Variants in TSBP1 observed in about 807,000 individuals in gnomAD.
The protein encoded by TSBP1 is testis expressed basic protein 1.
Under a neutral mutation model 68.8 loss-of-function variants are expected in TSBP1, and 56 were observed. That is an observed-to-expected ratio of 0.81 (90% confidence interval 0.66 to 1.02). TSBP1 has a LOEUF of 1.02. Ranked by LOEUF, TSBP1 falls within the 50% of genes least tolerant of loss-of-function variation. The pLI is 0.00. For missense variants in TSBP1, 502 were observed against 641.2 expected (o/e 0.78, Z 2.34); for synonymous variants, 171 against 208.7 (o/e 0.82, Z 1.56).
At chr6:32,298,758 G>A (rs565571) in intron 22 of TSBP1, among the ~76,000 whole-genome samples, 49,839 of 152,038 alleles carry the variant, frequency 0.33, 9,261 homozygotes, top group Middle Eastern at 0.46. Flanking sequence ...TGCTTGAAAC[G>A]TGTCTCACTA....
chr6:32,322,880 CTCTT>C (rs1349440799), intron 18 of TSBP1, among the ~76,000 whole-genome samples: 1 of 151,312 alleles, frequency 6.6e-6, no homozygotes, highest in Non-Finnish European at 1.5e-5. Context: ...ATCTCTCTCT[CTCTT>C]TCTCTCTCCA....
rs560153987 is a variant in TSBP1 at position 32,338,426 on chromosome 6, C to A, written c.409+553G>T. Among the ~76,000 whole-genome samples the A allele has an allele frequency of 1.2e-4, 18 of 150,782 alleles. No individual in the cohort carries two copies. Among genetic ancestry groups the A allele is most frequent in the African/African-American group, 4.4e-4 (18 of 41,038 alleles). On this transcript the variant is annotated intron_variant, in intron 11 of 22. Coordinates refer to ENST00000612031, the Ensembl canonical transcript of TSBP1. The surrounding 1 kb of genome is among the most constrained non-coding windows in gnomAD (Gnocchi z 5.5). Reference sequence around the variant, plus strand: ...TTACCATTTTTTTTCCTTTTTAAATCAACTTCCTCTCACTTATTCCTTATT... The same window carrying A: ...TTACCATTTTTTTTCCTTTTTAAATAAACTTCCTCTCACTTATTCCTTATT...
Position 32,306,231 on chromosome 6 carries a change from A to G in TSBP1, c.581-3602T>C, listed in dbSNP as rs1765767458. ...CGACTAAGGGGGAATTATGTAAACA[A>G]CTAATTATGTTTTGTTAAAGATTTA... On this transcript the variant is annotated intron_variant, in intron 19 of 22. Transcript: ENST00000612031. The surrounding 1 kb of genome is among the most constrained non-coding windows in gnomAD (Gnocchi z 5.1). 6.6e-6 allele frequency among the ~76,000 whole-genome samples: 1 copy of G among 152,196 alleles called. No individual in the cohort carries two copies. Among genetic ancestry groups the G allele is most frequent in the Non-Finnish European group, 1.5e-5 (1 of 68,030 alleles).
intron 16 of TSBP1, chr6:32,324,659 T>C: frequency 1.9e-6 from 3 of 1,550,780 alleles, no homozygotes; most frequent in Non-Finnish European, 2.6e-6. Context: ...GACTTACTGA[T>C]TGTGTGAGGA....
intron 18 of TSBP1, among the ~76,000 whole-genome samples, chr6:32,318,691 C>G (rs1455794351): frequency 6.6e-6 from 1 of 152,120 alleles, no homozygotes. Context: ...ATGTCCAGAA[C>G]AGCTGAATCT....
At chr6:32,359,851 G>A (rs1772792896) in intron 6 of TSBP1, among the ~76,000 whole-genome samples, 1 of 152,018 alleles carries the variant, frequency 6.6e-6, no homozygotes, top group Admixed American at 6.6e-5. Context: ...GATCTGGGAT[G>A]TTGAATTTCT....
Position 32,335,460 on chromosome 6 carries a change from A to G in TSBP1, c.452-3T>C. 8.6e-7 allele frequency: 1 copy of G among 1,157,544 alleles called. No individual in the cohort carries two copies. Among genetic ancestry groups the G allele is most frequent in the South Asian group, 1.9e-5 (1 of 53,492 alleles). 71.7% of individuals were successfully genotyped at this position (1,157,544 alleles called of 1,614,324 possible). A position where few individuals can be genotyped will look rare whatever the true frequency, so the allele number is the denominator to read the frequency against. On this transcript the variant is annotated splice_region_variant and splice_polypyrimidine_tract_variant and intron_variant, in intron 13 of 22. Transcript: ENST00000612031. The surrounding 1 kb of genome is among the most constrained non-coding windows in gnomAD (Gnocchi z 5.5). ...ACCAATGGTTTTTTGAGAGAGCTCT[A>G]AAAAAAAAAGAGAAAAGAAATCAGT...
chr6:32,301,835 G>C (rs1765323769), intron 20 of TSBP1, among the ~76,000 whole-genome samples: 1 of 151,486 alleles, frequency 6.6e-6, no homozygotes, highest in African/African-American at 2.4e-5. Context: ...GCAAAATACA[G>C]CCCATGGAAT....
chr6:32,295,261 G>A (rs1045284883), intron 22 of TSBP1, among the ~76,000 whole-genome samples: 2 of 150,934 alleles, frequency 1.3e-5, no homozygotes, highest in Non-Finnish European at 2.9e-5. Flanking sequence ...GCTTGAACCC[G>A]GGAGGCAGGG....
rs117536558 is a variant in TSBP1, at chr6:32,338,333, C to T, written c.409+646G>A. On this transcript the variant is annotated intron_variant, in intron 11 of 22. Coordinates refer to ENST00000612031, the Ensembl canonical transcript of TSBP1. This position sits in a 1 kb window ranked among gnomAD's most constrained non-coding sequence, Gnocchi z 5.5. ...GTGACGTTGATGCAGGCCCTTGGAC[C>T]CACTTTAAGCATCAAGGCCATAAAG... Among the ~76,000 whole-genome samples the T allele has an allele frequency of 7.0e-3, 1,066 of 152,074 alleles. 19 individuals carry two copies. The highest frequency in any genetic ancestry group is 0.02 in the East Asian group (102 of 5,182).
chr6:32,324,977 C>T (rs1310190367), intron 16 of TSBP1, among the ~76,000 whole-genome samples: 2 of 151,938 alleles, frequency 1.3e-5, no homozygotes, highest in Non-Finnish European at 2.9e-5. Context: ...GACTAATTGC[C>T]TGTATAGATG....
rs1224878091 is a variant in TSBP1 at position 32,361,342 on chromosome 6, G to A, written c.217+4825C>T. 6.6e-6 allele frequency among the ~76,000 whole-genome samples: 1 copy of A among 151,834 alleles called. No homozygotes were observed. The highest frequency in any genetic ancestry group is 1.9e-4 in the East Asian group (1 of 5,166). ...GTGAATAGTGCCACAATAAACACAC[G>A]TGTGCATGTGTCTTTATAGTAGCAT... On this transcript the variant is annotated intron_variant, in intron 6 of 22. Coordinates refer to ENST00000612031, the Ensembl canonical transcript of TSBP1. This position sits in a 1 kb window ranked among gnomAD's most constrained non-coding sequence, Gnocchi z 4.3.
In TSBP1 at chr6:32,337,607, T is replaced by G. The variant is rs935532659; in HGVS notation, c.410-972A>C. On this transcript the variant is annotated intron_variant, in intron 11 of 22. Transcript: ENST00000612031. The surrounding 1 kb of genome is among the most constrained non-coding windows in gnomAD (Gnocchi z 5.5). Reference sequence around the variant, plus strand: ...AGGTATGAGTGTTGGGCAAAGGAATTGAGACACTAGACCCACATACTTGTT... The same window carrying G: ...AGGTATGAGTGTTGGGCAAAGGAATGGAGACACTAGACCCACATACTTGTT... Among the ~76,000 whole-genome samples the G allele has an allele frequency of 3.9e-5, 6 of 152,092 alleles. No individual in the cohort carries two copies. Among genetic ancestry groups the G allele is most frequent in the African/African-American group, 1.4e-4 (6 of 41,410 alleles).
chr6:32,311,039 GTTGT>G, intron 19 of TSBP1, among the ~76,000 whole-genome samples: 1 of 151,954 alleles, frequency 6.6e-6, no homozygotes, highest in Non-Finnish European at 1.5e-5. Context: ...TTTTGATGCT[GTTGT>G]TTATTTTTTC....
In TSBP1 at chr6:32,319,138, G is replaced by A. The variant is rs756521994; in HGVS notation, c.560-3346C>T. On this transcript the variant is annotated intron_variant, in intron 18 of 22. Transcript: ENST00000612031. ...GCATCCTATAAATCTGCTCTTCTCC[G>A]CTACCTAAATGAATAAATAGTCTCA... Among the ~76,000 whole-genome samples the A allele has an allele frequency of 2.2e-4, 34 of 152,052 alleles. 1 individual carries two copies. Among genetic ancestry groups the A allele is most frequent in the Admixed American group, 6.5e-4 (10 of 15,268 alleles).
intron 16 of TSBP1, among the ~76,000 whole-genome samples, chr6:32,328,564 C>T (rs1340020909): frequency 1.3e-5 from 2 of 151,946 alleles, no homozygotes; most frequent in Non-Finnish European, 2.9e-5. Flanking sequence ...TACAGGCATG[C>T]GCTACCATGC....
chr6:32,335,434 T>TA lies in TSBP1; in HGVS notation c.472+2dup. 6.6e-7 allele frequency: 1 copy of TA among 1,505,230 alleles called. No individual in the cohort carries two copies. Among genetic ancestry groups the TA allele is most frequent in the Non-Finnish European group, 8.9e-7 (1 of 1,126,194 alleles). 93.2% of individuals were successfully genotyped at this position (1,505,230 alleles called of 1,614,324 possible). A position where few individuals can be genotyped will look rare whatever the true frequency, so the allele number is the denominator to read the frequency against. ...CATTATAATTGAGAATCAGATGACT[T>TA]ACCAATGGTTTTTTGAGAGAGCTCT... On this transcript the variant is annotated splice_region_variant and intron_variant, in intron 14 of 22. Transcript: ENST00000612031. This position sits in a 1 kb window ranked among gnomAD's most constrained non-coding sequence, Gnocchi z 5.5.
chr6:32,332,009 A>AAGCC, intron 15 of TSBP1, 25 bp downstream of exon 16: 1 of 1,563,258 alleles, frequency 6.4e-7, no homozygotes. Context: ...CAGTAGAGAT[A>AAGCC]AGTTGATATA....
In TSBP1 at chr6:32,293,250, T is replaced by A; in HGVS notation, c.1423A>T (p.Lys475Ter). Reference sequence around the variant, plus strand: ...CCTTTTAGTACACCTGACTCACTCTTCTTTACTTGGGATTCCAGTGTTTCT... The same window carrying A: ...CCTTTTAGTACACCTGACTCACTCTACTTTACTTGGGATTCCAGTGTTTCT... The change falls in exon 23 of 23, where the codon AAG (lysine) becomes TAG (stop). Residue 475 changes from lysine to a stop codon, truncating the protein, a stop_gained. Transcript: ENST00000612031. LOFTEE classifies it low-confidence loss of function (END_TRUNC). The A allele has an allele frequency of 6.2e-7, 1 of 1,612,892 alleles. No individual in the cohort carries two copies.
Sources: gnomAD v4.1 joint callset for allele counts (sites outside exome capture counted in the v4.1 genomes callset) on GRCh38, gnomAD v4.1.1 for gene constraint, Gnocchi (gnomAD v3.1) non-coding constraint, MANE v1.5 for transcripts, NCBI Gene and HGNC (gene_info 2026-07-23, HGNC 2026-07-21) for gene names.